IL1RAPL2: variants seen among roughly 807,000 people sequenced by gnomAD.
IL1RAPL2 encodes the protein X-linked interleukin-1 receptor accessory protein-like 2.
A neutral mutation model predicts 44.1 loss-of-function variants in IL1RAPL2; 3 were observed. The ratio of observed to expected loss-of-function variants is 0.07; its 90% CI spans 0.03 to 0.18. The LOEUF (loss-of-function observed/expected upper bound fraction) is 0.18. Among genes scored for constraint, IL1RAPL2 ranks in the 10% least tolerant of loss-of-function variants. The pLI is 1.00. For synonymous variants in IL1RAPL2, 181 were observed against 178.8 expected (o/e 1.01, Z -0.10); for missense variants, 391 against 496.4 (o/e 0.79, Z 2.02).
At chrX:104,919,617 C>G (rs1319471449) in intron 2 of IL1RAPL2, among the ~76,000 whole-genome samples, 4 of 106,383 alleles carry the variant, frequency 3.8e-5, no homozygotes, top group Non-Finnish European at 7.8e-5. Flanking sequence ...TGCAACCTCC[C>G]CCTCCTGGGT....
chrX:104,721,297 A>G (rs750460067), intron 2 of IL1RAPL2, among the ~76,000 whole-genome samples: 32 of 111,701 alleles, frequency 2.9e-4, no homozygotes, highest in Non-Finnish European at 5.1e-4. Flanking sequence ...CATCAATGAT[A>G]GACTGGATGA....
intron 1 of IL1RAPL2, among the ~76,000 whole-genome samples, chrX:104,638,659 T>C (rs1929874259): frequency 8.9e-6 from 1 of 112,234 alleles, no homozygotes; most frequent in Non-Finnish European, 1.9e-5. Context: ...TGTATTTGTA[T>C]AGTTTCCAAA....
intron 7 of IL1RAPL2, among the ~76,000 whole-genome samples, chrX:105,726,175 T>A (rs1165081404): frequency 8.9e-6 from 1 of 111,874 alleles, no homozygotes; most frequent in African/African-American, 3.2e-5. Flanking sequence ...TAATAATAAT[T>A]CCAGTTCATC....
At chrX:104,961,031 G>A (rs2029995329) in intron 2 of IL1RAPL2, among the ~76,000 whole-genome samples, 1 of 111,257 alleles carries the variant, frequency 9.0e-6, no homozygotes, top group African/African-American at 3.3e-5. Context: ...CTTTGAATTT[G>A]AAAAATGCTT....
chrX:105,281,188 C>G (rs769607613), intron 5 of IL1RAPL2, among the ~76,000 whole-genome samples: 1 of 111,326 alleles, frequency 9.0e-6, no homozygotes, highest in South Asian at 3.8e-4. Flanking sequence ...AAACCAAACA[C>G]CGCATGTTCT....
intron 2 of IL1RAPL2, among the ~76,000 whole-genome samples, chrX:104,921,709 A>T (rs1047913593): frequency 8.9e-6 from 1 of 111,910 alleles, no homozygotes; most frequent in Non-Finnish European, 1.9e-5. Context: ...TGGCATGGGA[A>T]CTCCCTTCAG....
At chrX:105,327,962 G>A (rs944485194) in intron 5 of IL1RAPL2, among the ~76,000 whole-genome samples, 1 of 111,651 alleles carries the variant, frequency 9.0e-6, no homozygotes, top group Non-Finnish European at 1.9e-5. Flanking sequence ...TTAATCTTCT[G>A]TTGGGAGTGA....
At chrX:104,719,908 A>G in intron 2 of IL1RAPL2, among the ~76,000 whole-genome samples, 1 of 111,272 alleles carries the variant, frequency 9.0e-6, no homozygotes. Context: ...TCTTGCTGGG[A>G]GTGATGGTGG....
chrX:104,780,311 T>C (rs994443512), intron 2 of IL1RAPL2, among the ~76,000 whole-genome samples: 1 of 112,179 alleles, frequency 8.9e-6, no homozygotes, highest in Admixed American at 9.5e-5. Flanking sequence ...AAAAGCCACT[T>C]TTACAAATCC....
intron 5 of IL1RAPL2, among the ~76,000 whole-genome samples, chrX:105,298,607 G>A (rs1016391725): frequency 9.1e-6 from 1 of 110,361 alleles, no homozygotes; most frequent in Non-Finnish European, 1.9e-5. Context: ...TATGAATATG[G>A]AGTTTGGAGA....
chrX:104,649,343 T>G (rs1569289523), intron 1 of IL1RAPL2, among the ~76,000 whole-genome samples: 1 of 111,635 alleles, frequency 9.0e-6, no homozygotes, highest in Non-Finnish European at 1.9e-5. Flanking sequence ...ATTTCTTGAT[T>G]GGTTGAAAGT....
intron 2 of IL1RAPL2, among the ~76,000 whole-genome samples, chrX:105,179,550 G>T (rs1029506100): frequency 1.8e-5 from 2 of 111,693 alleles, no homozygotes; most frequent in African/African-American, 3.3e-5. Context: ...TTTTGATAAG[G>T]ATTATATTGA....
At chrX:104,593,354 A>G (rs904020230) in intron 1 of IL1RAPL2, among the ~76,000 whole-genome samples, 1 of 111,949 alleles carries the variant, frequency 8.9e-6, no homozygotes, top group African/African-American at 3.2e-5. Flanking sequence ...GACTTAAAAA[A>G]ATATTTTGGG....
chrX:105,591,950 T>A (rs1261458214), intron 6 of IL1RAPL2, among the ~76,000 whole-genome samples: 1 of 111,035 alleles, frequency 9.0e-6, no homozygotes, highest in Non-Finnish European at 1.9e-5. Context: ...AAGGGTCGAG[T>A]TCAGGTACCA....
chrX:104,640,157 G>A (rs1219022722), intron 1 of IL1RAPL2, among the ~76,000 whole-genome samples: 1 of 111,455 alleles, frequency 9.0e-6, no homozygotes, highest in East Asian at 2.8e-4. Context: ...ATGTCATGTA[G>A]GCTGTGTTCA....
rs370969633 is a variant in IL1RAPL2, at chrX:105,717,404, A to G, written c.810A>G (p.Gly270=). 1 of 1,201,437 alleles carries G rather than the reference A, an allele frequency of 8.3e-7. No homozygotes were observed. Among genetic ancestry groups the G allele is most frequent in the African/African-American group, 1.8e-5 (1 of 56,811 alleles). The change falls in exon 7 of 11, where the codon GGA becomes GGG. Residue 270 remains glycine, a synonymous_variant. Coordinates refer to ENST00000372582, the MANE Select transcript of IL1RAPL2 (RefSeq NM_017416.2). ...ACATCCCCTGCAAAGCATTCTTCGGATTCAGTGGAGAGTCTGGGCCAATGA... is the reference window on the plus strand; with the variant it reads ...ACATCCCCTGCAAAGCATTCTTCGGGTTCAGTGGAGAGTCTGGGCCAATGA... ...PLNIPCKAFF[G]FSGESGPMIY... is the part of the protein sequence containing the mutation.
At chrX:105,704,620 C>G (rs1400885585) in intron 6 of IL1RAPL2, among the ~76,000 whole-genome samples, 1 of 111,367 alleles carries the variant, frequency 9.0e-6, no homozygotes, top group Non-Finnish European at 1.9e-5. Flanking sequence ...ATTTTCTTTT[C>G]TTTTAAATTT....
At chrX:105,690,035 G>A (rs751178020) in intron 6 of IL1RAPL2, among the ~76,000 whole-genome samples, 92 of 110,474 alleles carry the variant, frequency 8.3e-4, no homozygotes, top group Middle Eastern at 4.7e-3. Flanking sequence ...ACTTGGACAC[G>A]GGTCAGGGAA....
At chrX:104,661,889 G>A (rs1386327637) in intron 2 of IL1RAPL2, among the ~76,000 whole-genome samples, 1 of 111,409 alleles carries the variant, frequency 9.0e-6, no homozygotes, top group East Asian at 2.9e-4. Flanking sequence ...AAAAACGATT[G>A]CACCCTTTAT....
Sources: gnomAD v4.1 joint callset for allele counts (sites outside exome capture counted in the v4.1 genomes callset) on GRCh38, gnomAD v4.1.1 for gene constraint, MANE v1.5 for transcripts, NCBI Gene and HGNC (gene_info 2026-07-23, HGNC 2026-07-21) for gene names.